Variants in DUSP18 observed in about 807,000 individuals in gnomAD.
DUSP18 encodes the protein dual specificity protein phosphatase 18.
A neutral mutation model predicts 6.3 loss-of-function variants in DUSP18; 4 were observed. The observed-to-expected ratio is 0.63, with a 90% CI of 0.31 to 1.45. The LOEUF (loss-of-function observed/expected upper bound fraction) is 1.45. Among genes scored for constraint, DUSP18 ranks in the 40% most tolerant of loss-of-function variants. The probability of loss-of-function intolerance (pLI) is 0.07; values close to 1 mark genes in which losing one functional copy is unlikely to be tolerated. For missense variants in DUSP18, 235 were observed against 247.7 expected (o/e 0.95, Z 0.34); for synonymous variants, 96 against 95.1 (o/e 1.01, Z -0.05).
chr22:30,658,449 CA>C (rs547267401), downstream of DUSP18, among the ~76,000 whole-genome samples: 125 of 151,608 alleles, frequency 8.2e-4, no homozygotes, highest in Middle Eastern at 6.8e-3. Flanking sequence ...AAAACTCTGA[CA>C]AAGCGGAATC....
chr22:30,666,444 A>C (rs930870409), intron 1 of DUSP18, among the ~76,000 whole-genome samples: 1 of 151,954 alleles, frequency 6.6e-6, no homozygotes, highest in Non-Finnish European at 1.5e-5. Flanking sequence ...AACATGGTGA[A>C]ACCCCCGTCT....
intron 2 of DUSP18, among the ~76,000 whole-genome samples, chr22:30,652,549 A>C (rs975136908): frequency 2.6e-5 from 4 of 152,268 alleles, no homozygotes; most frequent in Admixed American, 6.5e-5. Context: ...GGAATGAATA[A>C]AGACAACTTG....
chr22:30,659,123 C>CAAAAAAA (rs35939188), downstream of DUSP18, among the ~76,000 whole-genome samples: 1 of 104,716 alleles, frequency 9.5e-6, no homozygotes. Flanking sequence ...GACTCCATCT[C>CAAAAAAA]AAAAAAAAAA....
chr22:30,653,970 C>CT (rs2088277579), intron 2 of DUSP18: 1 of 160,874 alleles, frequency 6.2e-6, no homozygotes, highest in Admixed American at 6.5e-5. Context: ...GCCTCATTAG[C>CT]TGTTTTGTTT....
rs1291480995 is a variant in DUSP18, at chr22:30,667,482, G to C, written c.-98C>G. On this transcript the variant is annotated 5_prime_UTR_variant, in exon 1 of 2. Transcript: ENST00000334679. ...TTTACCTCTCTCCTTCAGGCGGGTG[G>C]GCGGGTTCGCTCAGGAAGTAGCCGC... 3.3e-5 allele frequency: 5 copies of C among 152,200 alleles called. No homozygotes were observed. The highest frequency in any genetic ancestry group is 5.9e-5 in the Non-Finnish European group (4 of 68,046). 9.4% of individuals were successfully genotyped at this position (152,200 alleles called of 1,614,324 possible). A position where few individuals can be genotyped will look rare whatever the true frequency, so the allele number is the denominator to read the frequency against.
At position 30,655,349 on chromosome 22, in the gene DUSP18, T is replaced by C. The variant is rs1041575598; in HGVS notation, c.*34-3052A>G. 1.7e-4 allele frequency among the ~76,000 whole-genome samples: 25 copies of C among 146,114 alleles called. 4 individuals carry two copies. The highest frequency in any genetic ancestry group is 1.5e-3 in the Admixed American group (22 of 14,448). On this transcript the variant is annotated intron_variant, in intron 2 of 2. Coordinates refer to the DUSP18 transcript ENST00000404885. ...GTGCACGCCTGTAGTCCCAGCTACT[T>C]GGGAGGCTGAGATGGGAGGCTGCAG...
chr22:30,662,051 T>TA lies in DUSP18; in HGVS notation c.*1385dup, dbSNP rs2088490064. The TA allele has an allele frequency of 1.3e-5, 2 of 150,058 alleles. No homozygotes were observed. Among genetic ancestry groups the TA allele is most frequent in the Admixed American group, 6.7e-5 (1 of 14,966 alleles). The allele number at this position is 150,058 out of a possible 1,614,324, so 9.3% of individuals were successfully genotyped here. A position where few individuals can be genotyped will look rare whatever the true frequency, so the allele number is the denominator to read the frequency against. ...AACCATTTTTTTTTTTTTTTTTTTT[T>TA]ACACACAGGGTAACTTTTTGGAAGA... On this transcript the variant is annotated 3_prime_UTR_variant, in exon 2 of 2. Coordinates refer to ENST00000334679, the MANE Select transcript of DUSP18 (RefSeq NM_152511.5).
At chr22:30,659,049 G>A (rs1015205306), downstream of DUSP18, among the ~76,000 whole-genome samples, 1 of 150,602 alleles carries the variant, frequency 6.6e-6, no homozygotes, top group African/African-American at 2.5e-5. Flanking sequence ...GCGTGAACCT[G>A]GGAGGCGGAG....
At chr22:30,665,549 T>C (rs890662428) in intron 1 of DUSP18, 2 of 470,868 alleles carry the variant, frequency 4.2e-6, no homozygotes, top group African/African-American at 4.0e-5. Context: ...CCTTAAGATA[T>C]CAACTTAAAG....
downstream of DUSP18, among the ~76,000 whole-genome samples, chr22:30,658,149 G>A (rs1012171107): frequency 6.6e-6 from 1 of 151,444 alleles, no homozygotes; most frequent in African/African-American, 2.4e-5. Flanking sequence ...ATCTCTCGGG[G>A]TTCTAGTTCT....
Position 30,667,833 on chromosome 22 carries a change from A to C in DUSP18, c.-449T>G, listed in dbSNP as rs1040263242. On this transcript the variant is annotated 5_prime_UTR_variant, in exon 1 of 2. Coordinates refer to ENST00000334679, the MANE Select transcript of DUSP18 (RefSeq NM_152511.5). ...ACGGGCCGGGTCGCACCAGGGCTGC[A>C]GCCGAGAGACAGTCTCACCGCTTCC... The C allele has an allele frequency of 2.0e-5, 3 of 152,582 alleles. No homozygotes were observed. Among genetic ancestry groups the C allele is most frequent in the African/African-American group, 7.2e-5 (3 of 41,448 alleles). The allele number at this position is 152,582 out of a possible 1,614,324, so 9.5% of individuals were successfully genotyped here.
At chr22:30,652,675 G>T (rs1460331102) in intron 2 of DUSP18, among the ~76,000 whole-genome samples, 1 of 152,224 alleles carries the variant, frequency 6.6e-6, no homozygotes, top group Non-Finnish European at 1.5e-5. Context: ...GTGGCTGTTG[G>T]CAGGAGGCCT....
intron 1 of DUSP18, among the ~76,000 whole-genome samples, chr22:30,666,153 C>T (rs1010348475): frequency 1.3e-5 from 2 of 152,144 alleles, no homozygotes; most frequent in African/African-American, 4.8e-5. Flanking sequence ...TCTGGATCCT[C>T]GTCATCAGAA....
At chr22:30,660,226 T>A (rs2088429894), downstream of DUSP18, among the ~76,000 whole-genome samples, 1 of 152,252 alleles carries the variant, frequency 6.6e-6, no homozygotes, top group East Asian at 1.9e-4. Flanking sequence ...TGGATGTTGT[T>A]TTAAGCCACT....
downstream of DUSP18, among the ~76,000 whole-genome samples, chr22:30,657,293 ACACACAC>A (rs1569065147): frequency 6.6e-6 from 1 of 150,772 alleles, no homozygotes; most frequent in Non-Finnish European, 1.5e-5. Context: ...ACACACACAC[ACACACAC>A]ACACACAAAT....
chr22:30,663,608 C>T lies in DUSP18; in HGVS notation c.396G>A (p.Thr132=), dbSNP rs148574866. 200 of 1,614,210 alleles carry T rather than the reference C, an allele frequency of 1.2e-4. 1 individual carries two copies. In the African/African-American group the frequency reaches 2.4e-3, roughly 20 times the overall value. ...YHAMSLLDAH[T]WTKSCRPIIR... is the part of the protein sequence containing the mutation. The stretch of plus-strand genomic sequence containing the variant: ...TGATGGGCCGGCATGACTTGGTCCA[C>T]GTGTGGGCGTCCAGCAGGGACATGG... Residue 132 remains threonine, a synonymous_variant, in exon 2 of 2, where the codon ACG becomes ACA. Coordinates refer to ENST00000334679, the MANE Select transcript of DUSP18 (RefSeq NM_152511.5).
At position 30,663,347 on chromosome 22, in the gene DUSP18, A is replaced by G. The variant is rs2088534373; in HGVS notation, c.*90T>C. The G allele has an allele frequency of 7.4e-7, 1 of 1,343,750 alleles. No individual in the cohort carries two copies. Among genetic ancestry groups the G allele is most frequent in the East Asian group, 2.3e-5 (1 of 42,966 alleles). The allele number at this position is 1,343,750 out of a possible 1,614,324, so 83.2% of individuals were successfully genotyped here. ...GCATCATCTGTTTTTTTCTGTATCA[A>G]CAAAAGTAGAATGTTCAAGTTTGGA... On this transcript the variant is annotated 3_prime_UTR_variant, in exon 2 of 2. Transcript: ENST00000334679.
At chr22:30,652,870 G>A (rs1453930695) in intron 2 of DUSP18, among the ~76,000 whole-genome samples, 4 of 152,214 alleles carry the variant, frequency 2.6e-5, no homozygotes, top group Admixed American at 2.0e-4. Flanking sequence ...TATTTAGTGT[G>A]AGCCCTTCCC....
chr22:30,654,322 G>T, intron 2 of DUSP18: 1 of 462,394 alleles, frequency 2.2e-6, no homozygotes, highest in Non-Finnish European at 4.3e-6. Context: ...GTGGATCTTG[G>T]CCTTCTCCTT....
Sources: allele counts gnomAD v4.1 joint callset (sites outside exome capture counted in the v4.1 genomes callset), GRCh38; gene constraint gnomAD v4.1.1; transcripts MANE v1.5; gene names NCBI Gene and HGNC (gene_info 2026-07-23, HGNC 2026-07-21).